The following GUCY2F variants were observed in gnomAD, a reference collection of about 807,000 sequenced individuals.
GUCY2F encodes the protein guanylate cyclase 2F, retinal.
In GUCY2F, 61 loss-of-function variants were observed where a neutral mutation model predicts 73.1. That is an observed-to-expected ratio of 0.83 (90% CI 0.68 to 1.03). The LOEUF (loss-of-function observed/expected upper bound fraction) is 1.03, where lower values mean the gene tolerates loss of function less well. GUCY2F is among the 50% of genes least tolerant of loss of function. The pLI, the probability that GUCY2F is intolerant of heterozygous loss-of-function variation, is 0.00. For missense variants in GUCY2F, 912 were observed against 854.3 expected, an observed-to-expected ratio of 1.07 and a Z score of -0.84; for synonymous variants, 331 against 307.8, an observed-to-expected ratio of 1.08 and a Z score of -0.79.
chrX:109,388,784 A>T, intron 14 of GUCY2F, 121 bp from the exon 15 acceptor site: 1 of 461,075 alleles, frequency 2.2e-6, no homozygotes, highest in East Asian at 3.6e-5. Context: ...GCAGAGAGGG[A>T]CTGTCAATGA....
chrX:109,420,267 G>T (rs1329608047), intron 8 of GUCY2F, among the ~76,000 whole-genome samples: 1 of 98,382 alleles, frequency 1.0e-5, no homozygotes, highest in African/African-American at 3.7e-5. Context: ...GAGGGGGAGG[G>T]ATGGAGGGAG....
Position 109,452,113 on chromosome X carries a change from G to A in GUCY2F, c.1388-6C>T, listed in dbSNP as rs1199177928. The A allele has an allele frequency of 5.0e-6, 5 of 993,166 alleles. No individual in the cohort carries two copies. Among genetic ancestry groups the A allele is most frequent in the Admixed American group, 2.2e-5 (1 of 45,350 alleles). 81.8% of individuals were successfully genotyped at this position (993,166 alleles called of 1,213,427 possible). ...GGCAAAGGCAGGGTCGATGCCTGCA[G>A]AGAGTGAGAGGAAGAGGAAGAATGG... is the stretch of plus-strand genomic sequence containing the variant. On this transcript the variant is annotated splice_polypyrimidine_tract_variant and splice_region_variant and intron_variant, in intron 4 of 19. Transcript: ENST00000218006.
chrX:109,406,693 C>A (rs1930979097), intron 9 of GUCY2F, among the ~76,000 whole-genome samples: 1 of 111,043 alleles, frequency 9.0e-6, no homozygotes, highest in Non-Finnish European at 1.9e-5. Context: ...GGGAGGGACC[C>A]AGGGGGATGT....
In GUCY2F at chrX:109,391,953, G is replaced by A; in HGVS notation, c.2739C>T (p.Tyr913=). Residue 913 remains tyrosine (Y), a synonymous_variant, in exon 14 of 20, where the codon TAC becomes TAT. Coordinates refer to ENST00000218006, the MANE Select transcript of GUCY2F (RefSeq NM_001522.3). ...IEVVDLLNDL[Y]TLFDAIIGSH... ...TGCCAATTATTGCATCAAAGAGTGT[G>A]TACAGGTCATTCAGAAGATCCACGA... The A allele has an allele frequency of 8.3e-7, 1 of 1,207,281 alleles. No homozygotes were observed. The highest frequency in any genetic ancestry group is 1.8e-5 in the South Asian group (1 of 56,609).
At position 109,395,472 on chromosome X, in the gene GUCY2F, T is replaced by C. The variant is rs1309572527; in HGVS notation, c.2293A>G (p.Lys765Glu). The C allele has an allele frequency of 8.3e-7, 1 of 1,198,722 alleles. No homozygotes were observed. Among genetic ancestry groups the C allele is most frequent in the East Asian group, 3.0e-5 (1 of 33,692 alleles). Residue 765 changes from lysine (K) to glutamate (E), a missense_variant, in exon 12 of 20, where the codon AAG (lysine) becomes GAG (glutamate). Physicochemically the swap from Lys to Glu is moderately conservative, Grantham distance 56 (BLOSUM62 1). Transcript: ENST00000218006. ...LPAQEIINRL[K>E]KPPPVYRPVV... ...GGTCTGTACACAGGAGGAGGCTTCTTAAGTCTGTTTATGATTTCTGTCCAG... is the reference window on the plus strand; with the variant it reads ...GGTCTGTACACAGGAGGAGGCTTCTCAAGTCTGTTTATGATTTCTGTCCAG...
At chrX:109,423,755 T>C (rs1906001133) in intron 8 of GUCY2F, among the ~76,000 whole-genome samples, 1 of 106,137 alleles carries the variant, frequency 9.4e-6, no homozygotes, top group Non-Finnish European at 1.9e-5. Flanking sequence ...AAGCAGTGCT[T>C]AGAGGAGATT....
At position 109,441,447 on chromosome X, in the gene GUCY2F, G is replaced by A; in HGVS notation, c.1605C>T (p.Thr535=). The A allele has an allele frequency of 8.5e-7, 1 of 1,182,075 alleles. No homozygotes were observed. ...GGGACCTCCCACTTTGGACCTCTGA[G>A]GTAATCTGGAAGCTTACACTGGCAC... ...GSRASVSFQI[T]SEVQSGRSPR... is the part of the protein sequence containing the mutation. Residue 535 remains threonine (T), a synonymous_variant, in exon 7 of 20, where the codon ACC becomes ACT. Coordinates refer to ENST00000218006, the MANE Select transcript of GUCY2F (RefSeq NM_001522.3).
chrX:109,376,132 C>T lies in GUCY2F; in HGVS notation c.3186G>A (p.Gly1062=). 2.5e-6 allele frequency: 3 copies of T among 1,203,702 alleles called. No individual in the cohort carries two copies. The highest frequency in any genetic ancestry group is 1.8e-5 in the South Asian group (1 of 56,790). The part of the protein sequence containing the change: ...KGTEETFWLI[G]KKGFMKPLPV... ...GAAGGGGCTTCATGAAGCCTTTTTTCCCAATCAGCCAGAAGGTTTCCTCTG... is the reference window on the plus strand; with the variant it reads ...GAAGGGGCTTCATGAAGCCTTTTTTTCCAATCAGCCAGAAGGTTTCCTCTG... Residue 1062 remains glycine, a synonymous_variant, in exon 18 of 20, where the codon GGG becomes GGA. Coordinates refer to ENST00000218006, the MANE Select transcript of GUCY2F (RefSeq NM_001522.3).
At chrX:109,439,041 T>C (rs1430364362) in intron 7 of GUCY2F, among the ~76,000 whole-genome samples, 1 of 112,383 alleles carries the variant, frequency 8.9e-6, no homozygotes, top group Admixed American at 9.4e-5. Flanking sequence ...TCCATACCTC[T>C]TGCACTCTGA....
At chrX:109,447,941 C>A in intron 6 of GUCY2F, 128 bp downstream of exon 6, 2 of 315,902 alleles carry the variant, frequency 6.3e-6, no homozygotes, top group Middle Eastern at 5.7e-4. Flanking sequence ...GTTTTCTAAA[C>A]CCACTGAGTA....
chrX:109,405,191 T>C (rs1930943695), intron 9 of GUCY2F, among the ~76,000 whole-genome samples: 1 of 111,986 alleles, frequency 8.9e-6, no homozygotes, highest in Non-Finnish European at 1.9e-5. Context: ...TGTGACAGCA[T>C]GTATATTTAA....
intron 10 of GUCY2F, among the ~76,000 whole-genome samples, chrX:109,401,961 G>C (rs1373136120): frequency 1.8e-5 from 2 of 111,436 alleles, no homozygotes; most frequent in African/African-American, 3.3e-5. Flanking sequence ...ATAAAGCAGG[G>C]GGGTAGTGGT....
chrX:109,393,365 G>C (rs1228972199), intron 12 of GUCY2F, among the ~76,000 whole-genome samples: 1 of 107,914 alleles, frequency 9.3e-6, no homozygotes, highest in Non-Finnish European at 1.9e-5. Flanking sequence ...CACGTGAATA[G>C]TAGCCACTTC....
Position 109,475,818 on chromosome X carries a change from G to A in GUCY2F, c.119C>T (p.Ser40Phe). The change falls in exon 2 of 20, where the codon TCT (serine) becomes TTT (phenylalanine). Residue 40 changes from serine (S) to phenylalanine (F), a missense_variant. Ser to Phe is a radical substitution (Grantham distance 155). Transcript: ENST00000218006. ...AKFLWCLCLLSVMSLPQQVWT... is the reference protein window; with the variant it reads ...AKFLWCLCLLFVMSLPQQVWT... ...CACCTGCTGCGGAAGGGACATGACA[G>A]ACAGAAGGCACAAGCACCACAGGAA... is the stretch of plus-strand genomic sequence containing the variant. 8.3e-7 allele frequency: 1 copy of A among 1,211,166 alleles called. No individual in the cohort carries two copies. Among genetic ancestry groups the A allele is most frequent in the Non-Finnish European group, 1.1e-6 (1 of 895,328 alleles).
chrX:109,434,230 C>T (rs1931681507), intron 7 of GUCY2F, among the ~76,000 whole-genome samples: 1 of 110,335 alleles, frequency 9.1e-6, no homozygotes, highest in African/African-American at 3.3e-5. Context: ...CTGCCCACCA[C>T]ACCCCATCTC....
At chrX:109,445,532 C>T (rs1931981374) in intron 6 of GUCY2F, among the ~76,000 whole-genome samples, 1 of 111,783 alleles carries the variant, frequency 8.9e-6, no homozygotes, top group Admixed American at 9.5e-5. Flanking sequence ...AATTAATAAA[C>T]AAAAGGAAAC....
chrX:109,480,839 G>T (rs1271868804), intron 1 of GUCY2F, among the ~76,000 whole-genome samples: 1 of 109,345 alleles, frequency 9.1e-6, no homozygotes, highest in African/African-American at 3.3e-5. Flanking sequence ...GTTGCTGTAG[G>T]ATTTAGTCTT....
chrX:109,427,413 C>T (rs1931514143), intron 8 of GUCY2F, among the ~76,000 whole-genome samples: 1 of 112,035 alleles, frequency 8.9e-6, no homozygotes, highest in Non-Finnish European at 1.9e-5. Flanking sequence ...CCTAATTTTC[C>T]TGCACGCAAT....
intron 11 of GUCY2F, among the ~76,000 whole-genome samples, chrX:109,397,057 T>C (rs1256040131): frequency 8.9e-6 from 1 of 111,767 alleles, no homozygotes; most frequent in Non-Finnish European, 1.9e-5. Context: ...CTTGTGAGTA[T>C]AGAAAAGGCA....
Sources: gnomAD v4.1 joint callset for allele counts (sites outside exome capture counted in the v4.1 genomes callset) on GRCh38, gnomAD v4.1.1 for gene constraint, MANE v1.5 for transcripts, NCBI Gene and HGNC (gene_info 2026-07-23, HGNC 2026-07-21) for gene names.